The following KIF11 variants were observed in gnomAD, a reference collection of about 807,000 sequenced individuals.
The protein encoded by KIF11 is kinesin family member 11.
In KIF11, 9 loss-of-function variants were observed where a neutral mutation model predicts 121.0. That is an observed-to-expected ratio of 0.07 (90% CI 0.04 to 0.13). KIF11 has a LOEUF of 0.13. Among genes scored for constraint, KIF11 ranks in the 10% least tolerant of loss-of-function variants. KIF11 has a pLI of 1.00. For synonymous variants in KIF11, 408 were observed against 421.0 expected, an observed-to-expected ratio of 0.97 and a Z score of 0.38; for missense variants, 846 against 1,217.5, an observed-to-expected ratio of 0.69 and a Z score of 4.54.
intron 17 of KIF11, 150 bp downstream of exon 17, chr10:92,640,050 TAC>T: frequency 4.3e-6 from 2 of 469,364 alleles, no homozygotes; most frequent in Non-Finnish European, 3.7e-6. Flanking sequence ...TGTATATATA[TAC>T]ATGCATATAA....
chr10:92,600,065 G>A (rs910896532), intron 1 of KIF11, among the ~76,000 whole-genome samples: 5 of 151,122 alleles, frequency 3.3e-5, no homozygotes, highest in African/African-American at 1.2e-4. Context: ...GAGTGCAGTG[G>A]TGTGATCTCG....
chr10:92,651,586 C>T lies in KIF11; in HGVS notation c.3039+1069C>T, dbSNP rs1448010937. 4.9e-4 allele frequency among the ~76,000 whole-genome samples: 61 copies of T among 123,490 alleles called. 1 individual carries two copies. The highest frequency in any genetic ancestry group is 1.3e-3 in the Admixed American group (12 of 9,596). 81.0% of individuals were successfully genotyped at this position (123,490 alleles called of 152,430 possible). A position where few individuals can be genotyped will look rare whatever the true frequency, so the allele number is the denominator to read the frequency against. On this transcript the variant is annotated intron_variant, in intron 21 of 21. Transcript: ENST00000260731. ...TTCTCTGTGTTGGTCAGGCTGGTCT[C>T]GAACTCCCAACTTCAGGTGATCTGC...
intron 1 of KIF11, among the ~76,000 whole-genome samples, chr10:92,599,886 C>T (rs1416424406): frequency 9.4e-5 from 14 of 148,956 alleles, no homozygotes; most frequent in Non-Finnish European, 1.3e-4. Context: ...CTCTTGACCT[C>T]GTGATCCACC....
At chr10:92,621,286 A>T (rs1404331226) in intron 9 of KIF11, 99 bp from the exon 10 acceptor site, 3 of 594,880 alleles carry the variant, frequency 5.0e-6, no homozygotes, top group Non-Finnish European at 8.9e-6. Flanking sequence ...GTTTTAAAAG[A>T]CATAAAAAGG....
chr10:92,616,943 G>C (rs1054369466), intron 9 of KIF11, 111 bp downstream of exon 9: 6 of 592,842 alleles, frequency 1.0e-5, no homozygotes, highest in Non-Finnish European at 1.8e-5. Context: ...CCCATGGAAG[G>C]CTTTTTATAT....
chr10:92,639,031 A>G (rs1337717912), intron 16 of KIF11, among the ~76,000 whole-genome samples: 1 of 152,176 alleles, frequency 6.6e-6, no homozygotes, highest in Non-Finnish European at 1.5e-5. Context: ...GACTATTTAC[A>G]TTTTGTTAAT....
intron 9 of KIF11, among the ~76,000 whole-genome samples, chr10:92,617,876 A>T (rs1334020902): frequency 6.6e-6 from 1 of 151,964 alleles, no homozygotes; most frequent in Non-Finnish European, 1.5e-5. Flanking sequence ...AGTAGCTGGG[A>T]CTACAGGTGT....
rs1201002494 is a variant in KIF11, at chr10:92,613,257, G to T, written c.790-120G>T. On this transcript the variant is annotated intron_variant, in intron 7 of 21. Coordinates refer to ENST00000260731, the MANE Select transcript of KIF11 (RefSeq NM_004523.4). This position sits in a 1 kb window ranked among gnomAD's most constrained non-coding sequence, Gnocchi z 4.2. ...AGCTTTGTAGTGGGAGAAGAAATTT[G>T]TTAATTACAGAAAAAATTATTTTGC... 3 of 1,080,394 alleles carry T rather than the reference G, an allele frequency of 2.8e-6. No homozygotes were observed. In the East Asian group the frequency reaches 7.8e-5, roughly 28 times the overall value. 66.9% of individuals were successfully genotyped at this position (1,080,394 alleles called of 1,614,324 possible). A position where few individuals can be genotyped will look rare whatever the true frequency, so the allele number is the denominator to read the frequency against.
intron 8 of KIF11, among the ~76,000 whole-genome samples, chr10:92,614,309 C>T (rs1844530539): frequency 6.6e-6 from 1 of 152,124 alleles, no homozygotes. Context: ...GTTGGCCAGG[C>T]TGGTCTCAAA....
At chr10:92,599,159 T>C (rs1240202786) in intron 1 of KIF11, among the ~76,000 whole-genome samples, 1 of 152,100 alleles carries the variant, frequency 6.6e-6, no homozygotes, top group Admixed American at 6.6e-5. Context: ...TTCTTTTTGG[T>C]GCTATTTTAA....
intron 9 of KIF11, among the ~76,000 whole-genome samples, chr10:92,619,506 T>C (rs986387555): frequency 6.6e-6 from 1 of 152,202 alleles, no homozygotes; most frequent in African/African-American, 2.4e-5. Flanking sequence ...TCTGGGATAA[T>C]TGCCCAAGAG....
At chr10:92,629,005 G>C (rs1212371349) in intron 11 of KIF11, 110 bp downstream of exon 11, 6 of 604,110 alleles carry the variant, frequency 9.9e-6, no homozygotes, top group Non-Finnish European at 2.9e-6. Context: ...TTTTTAGACG[G>C]AGTCTCGCTC....
At chr10:92,637,678 T>TATAAGCAACAGTG in intron 16 of KIF11, 133 bp downstream of exon 16, 4 of 808,854 alleles carry the variant, frequency 4.9e-6, no homozygotes, top group Non-Finnish European at 7.7e-6. Context: ...TAGCCACTGT[T>TATAAGCAACAGTG]GCTTATAACA....
At chr10:92,642,528 T>TATCA (rs1472295054) in intron 17 of KIF11, among the ~76,000 whole-genome samples, 6 of 152,380 alleles carry the variant, frequency 3.9e-5, no homozygotes, top group Admixed American at 1.3e-4. Context: ...CTATTTGTTC[T>TATCA]ATCAGTGACT....
chr10:92,624,953 A>G (rs1464431817), intron 10 of KIF11, among the ~76,000 whole-genome samples: 1 of 151,898 alleles, frequency 6.6e-6, no homozygotes, highest in Non-Finnish European at 1.5e-5. Flanking sequence ...TATTTTTAGT[A>G]GAGATGGGGT....
chr10:92,632,453 C>T (rs759793471), intron 12 of KIF11, 33 bp from the exon 13 acceptor site: 2 of 1,297,546 alleles, frequency 1.5e-6, no homozygotes, highest in Non-Finnish European at 2.2e-6. Flanking sequence ...TCACCGTATC[C>T]ATTTTGTCTA....
chr10:92,611,447 C>T (rs1316147601), intron 6 of KIF11, among the ~76,000 whole-genome samples: 4 of 151,980 alleles, frequency 2.6e-5, no homozygotes, highest in South Asian at 2.1e-4. Context: ...CTCCTGACCT[C>T]GTGATCCGTC....
intron 16 of KIF11, among the ~76,000 whole-genome samples, chr10:92,638,016 A>C (rs1157453119): frequency 6.6e-6 from 1 of 152,170 alleles, no homozygotes; most frequent in East Asian, 1.9e-4. Context: ...ATTGATTATA[A>C]ATGTAATTCA....
chr10:92,647,971 TGGTGG>T (rs776260962), intron 18 of KIF11, among the ~76,000 whole-genome samples: 2 of 151,988 alleles, frequency 1.3e-5, no homozygotes, highest in African/African-American at 4.8e-5. Context: ...TAGCCAGGCA[TGGTGG>T]TACATGCCTG....
Sources: gnomAD v4.1 joint callset for allele counts (sites outside exome capture counted in the v4.1 genomes callset) on GRCh38, gnomAD v4.1.1 for gene constraint, Gnocchi (gnomAD v3.1) non-coding constraint, MANE v1.5 for transcripts, NCBI Gene and HGNC (gene_info 2026-07-23, HGNC 2026-07-21) for gene names.